PTPRN2: variants seen among roughly 807,000 people sequenced by gnomAD.
PTPRN2 encodes the protein protein tyrosine phosphatase receptor type N2.
In PTPRN2, 74 loss-of-function variants were observed where a neutral mutation model predicts 118.8. That is an observed-to-expected ratio of 0.62 (90% confidence interval 0.52 to 0.76). The LOEUF (loss-of-function observed/expected upper bound fraction) is 0.76. PTPRN2 is among the 30% of genes least tolerant of loss of function. The pLI is 0.00. For synonymous variants in PTPRN2, 641 were observed against 608.0 expected (o/e 1.05, Z -0.80); for missense variants, 1,481 against 1,394.4 (o/e 1.06, Z -0.99).
intron 13 of PTPRN2, among the ~76,000 whole-genome samples, chr7:157,662,513 G>C (rs1795940864): frequency 6.6e-6 from 1 of 152,200 alleles, no homozygotes; most frequent in Admixed American, 6.5e-5. Flanking sequence ...TCGTGGGAAG[G>C]GGTGCCGTGG....
chr7:157,740,202 A>G (rs1354626241), intron 12 of PTPRN2: 2 of 152,208 alleles, frequency 1.3e-5, no homozygotes, highest in Non-Finnish European at 2.9e-5. Flanking sequence ...CATTGCCCAG[A>G]TGCAGATTTG....
intron 3 of PTPRN2, among the ~76,000 whole-genome samples, chr7:158,207,657 G>T: frequency 6.6e-6 from 1 of 152,160 alleles, no homozygotes; most frequent in Non-Finnish European, 1.5e-5. Context: ...TACCTGGAAA[G>T]CCTTCCCAAG....
Position 157,965,728 on chromosome 7 carries a change from C to G in PTPRN2, c.1724-66991G>C, listed in dbSNP as rs563841779. On this transcript the variant is annotated intron_variant, in intron 11 of 22. Coordinates refer to ENST00000389418, the MANE Select transcript of PTPRN2 (RefSeq NM_002847.5). ...CCCCTCTCCTAAATCACTGCTCACT[C>G]TCTGCCCCACACCCAACTCAACATT... 2.6e-5 allele frequency among the ~76,000 whole-genome samples: 4 copies of G among 152,328 alleles called. No homozygotes were observed. In the East Asian group the frequency reaches 5.8e-4, roughly 22 times the overall value.
At chr7:158,532,677 A>G in intron 1 of PTPRN2, 1 of 532,324 alleles carries the variant, frequency 1.9e-6, no homozygotes, top group Non-Finnish European at 3.9e-6. Flanking sequence ...AACAGCATGG[A>G]ACATGGCAAA....
intron 12 of PTPRN2, among the ~76,000 whole-genome samples, chr7:157,759,034 C>T (rs764050426): frequency 3.9e-5 from 6 of 152,162 alleles, no homozygotes; most frequent in African/African-American, 9.7e-5. Context: ...CAAATAATTC[C>T]GACGTTTCAA....
chr7:157,563,049 C>T (rs1473553654), intron 21 of PTPRN2, among the ~76,000 whole-genome samples: 1 of 131,780 alleles, frequency 7.6e-6, no homozygotes, highest in Non-Finnish European at 1.6e-5. Flanking sequence ...CACATGCTCC[C>T]GCATCACCAC....
At chr7:158,137,760 G>A (rs1412949080) in intron 7 of PTPRN2, among the ~76,000 whole-genome samples, 1 of 152,198 alleles carries the variant, frequency 6.6e-6, no homozygotes, top group Non-Finnish European at 1.5e-5. Context: ...TGTGTGGGGA[G>A]CTGAGCTAGG....
At chr7:158,171,867 G>A (rs1439579678) in intron 5 of PTPRN2, among the ~76,000 whole-genome samples, 1 of 152,166 alleles carries the variant, frequency 6.6e-6, no homozygotes, top group African/African-American at 2.4e-5. Context: ...GACCGTAGCT[G>A]CCCAAACCTG....
chr7:158,040,542 G>A (rs1185120547), intron 11 of PTPRN2, among the ~76,000 whole-genome samples: 1 of 152,204 alleles, frequency 6.6e-6, no homozygotes, highest in Non-Finnish European at 1.5e-5. Context: ...AGAGAATTAT[G>A]CTGGACTTCT....
Position 157,672,277 on chromosome 7 carries a change from C to A in PTPRN2, c.2001+10448G>T, listed in dbSNP as rs77618152. On this transcript the variant is annotated intron_variant, in intron 13 of 22. Transcript: ENST00000389418. ...AATCCACCCTCAGAAGAATCAGACA[C>A]GTTTTCTAGACTTTCCCCTTCACAT... Among the ~76,000 whole-genome samples the A allele has an allele frequency of 1.6e-4, 25 of 152,250 alleles. No homozygotes were observed. The East Asian group carries it at 4.6e-3, about 28-fold the overall frequency.
chr7:158,545,242 A>G (rs898132671), intron 1 of PTPRN2, among the ~76,000 whole-genome samples: 6 of 152,344 alleles, frequency 3.9e-5, no homozygotes, highest in East Asian at 1.9e-4. Context: ...AAAAGCACAA[A>G]TAACAGATTC....
At chr7:157,959,360 A>C (rs1173227253) in intron 11 of PTPRN2, among the ~76,000 whole-genome samples, 1 of 152,248 alleles carries the variant, frequency 6.6e-6, no homozygotes, top group Admixed American at 6.5e-5. Context: ...AACAAATTGC[A>C]CTTTATTGCA....
chr7:157,873,572 C>T (rs1039656337), intron 12 of PTPRN2, among the ~76,000 whole-genome samples: 77 of 129,790 alleles, frequency 5.9e-4, no homozygotes, highest in Admixed American at 6.6e-4. Flanking sequence ...GGAGAACGTA[C>T]TGTCCTCAAG....
At chr7:158,512,973 G>A (rs1823284038) in intron 1 of PTPRN2, among the ~76,000 whole-genome samples, 1 of 152,224 alleles carries the variant, frequency 6.6e-6, no homozygotes, top group African/African-American at 2.4e-5. Flanking sequence ...CTCCTGTGCA[G>A]AATTCCAAAC....
chr7:158,165,861 T>C (rs1006159927), intron 6 of PTPRN2, among the ~76,000 whole-genome samples: 1 of 152,046 alleles, frequency 6.6e-6, no homozygotes, highest in African/African-American at 2.4e-5. Context: ...TTAACTCAGG[T>C]AGCGACACCG....
At chr7:157,652,284 T>G (rs2906928) in intron 14 of PTPRN2, among the ~76,000 whole-genome samples, 131,327 of 152,186 alleles carry the variant, frequency 0.86, 56,948 homozygotes, top group Admixed American at 0.91. Context: ...CGACGCACCT[T>G]CGGCACAGGT....
intron 12 of PTPRN2, among the ~76,000 whole-genome samples, chr7:157,786,075 C>T (rs539409476): frequency 1.3e-5 from 2 of 152,298 alleles, no homozygotes; most frequent in South Asian, 4.1e-4. Flanking sequence ...GTTAGCCGCA[C>T]TCCGAGTGCG....
chr7:158,303,381 C>A (rs1247545405), intron 3 of PTPRN2, among the ~76,000 whole-genome samples: 1 of 152,204 alleles, frequency 6.6e-6, no homozygotes, highest in African/African-American at 2.4e-5. Flanking sequence ...AGAGATGTAA[C>A]TTCCCTACAG....
intron 11 of PTPRN2, among the ~76,000 whole-genome samples, chr7:157,951,829 C>A (rs573248171): frequency 5.3e-5 from 8 of 152,178 alleles, no homozygotes; most frequent in African/African-American, 1.7e-4. Flanking sequence ...GGCCTGAGTC[C>A]GGCAGTGGAT....
Sources: allele counts gnomAD v4.1 joint callset (sites outside exome capture counted in the v4.1 genomes callset), GRCh38; gene constraint gnomAD v4.1.1; transcripts MANE v1.5; gene names NCBI Gene and HGNC (gene_info 2026-07-23, HGNC 2026-07-21).